Variants in CSMD1 observed in about 807,000 individuals in gnomAD.
The protein encoded by CSMD1 is CUB and Sushi multiple domains 1, also known as CUB and sushi domain-containing protein 1.
A neutral mutation model predicts 417.5 loss-of-function variants in CSMD1; 213 were observed. The ratio of observed to expected loss-of-function variants is 0.51; its 90% confidence interval spans 0.46 to 0.57. The LOEUF (loss-of-function observed/expected upper bound fraction) is 0.57, where lower values mean the gene tolerates loss of function less well. Among genes scored for constraint, CSMD1 ranks in the 20% least tolerant of loss-of-function variants. CSMD1 has a pLI of 0.00. For synonymous variants in CSMD1, 2,862 were observed against 1,736.8 expected, an observed-to-expected ratio of 1.65 and a Z score of -16.11; for missense variants, 6,923 against 4,529.7, an observed-to-expected ratio of 1.53 and a Z score of -15.17.
chr8:4,534,471 G>C (rs1033622377), intron 2 of CSMD1, among the ~76,000 whole-genome samples: 1 of 152,134 alleles, frequency 6.6e-6, no homozygotes, highest in Non-Finnish European at 1.5e-5. Context: ...TGTTTTAAAT[G>C]TTGCCTTTTA....
At chr8:4,202,198 C>T (rs368077048) in intron 3 of CSMD1, among the ~76,000 whole-genome samples, 45 of 151,986 alleles carry the variant, frequency 3.0e-4, no homozygotes, top group East Asian at 2.9e-3. Flanking sequence ...CTTATAATGA[C>T]GCAACAAAAT....
At chr8:3,678,124 G>C (rs959442999) in intron 7 of CSMD1, among the ~76,000 whole-genome samples, 1 of 152,166 alleles carries the variant, frequency 6.6e-6, no homozygotes, top group Admixed American at 6.6e-5. Flanking sequence ...GAAGACAGGT[G>C]ATTTCTGCAT....
intron 52 of CSMD1, among the ~76,000 whole-genome samples, chr8:3,004,440 C>G (rs1162721380): frequency 6.6e-6 from 1 of 152,166 alleles, no homozygotes; most frequent in Non-Finnish European, 1.5e-5. Flanking sequence ...ACCCACTTTA[C>G]TCTTAAATCA....
intron 5 of CSMD1, among the ~76,000 whole-genome samples, chr8:3,774,488 G>C (rs989858914): frequency 6.6e-5 from 10 of 152,158 alleles, no homozygotes; most frequent in African/African-American, 2.4e-4. Context: ...ACAGAGAGAC[G>C]GTTAAATAAA....
chr8:3,988,749 T>C (rs78099090), intron 5 of CSMD1, among the ~76,000 whole-genome samples: 4,256 of 152,310 alleles, frequency 0.028, 127 homozygotes, highest in East Asian at 0.13. Flanking sequence ...GACGGACATA[T>C]ACAAAAACAG....
At chr8:4,013,549 G>C (rs932159148) in intron 4 of CSMD1, among the ~76,000 whole-genome samples, 1 of 152,164 alleles carries the variant, frequency 6.6e-6, no homozygotes, top group East Asian at 1.9e-4. Context: ...TTACATGTCA[G>C]CTTCTCAGTG....
At chr8:3,570,766 G>T (rs989311990) in intron 10 of CSMD1, among the ~76,000 whole-genome samples, 4 of 152,122 alleles carry the variant, frequency 2.6e-5, no homozygotes, top group African/African-American at 9.7e-5. Context: ...ATTTATTTAT[G>T]GTGGAAAGCA....
At chr8:3,082,849 T>C (rs1357625928) in intron 49 of CSMD1, among the ~76,000 whole-genome samples, 1 of 152,162 alleles carries the variant, frequency 6.6e-6, no homozygotes, top group African/African-American at 2.4e-5. Context: ...GCCTCAGAGG[T>C]AAAACCTGTA....
At chr8:3,646,286 T>C (rs1039474346) in intron 7 of CSMD1, among the ~76,000 whole-genome samples, 2 of 152,170 alleles carry the variant, frequency 1.3e-5, no homozygotes, top group South Asian at 2.1e-4. Context: ...TTCTCAGTTG[T>C]AAAAGTATGA....
chr8:3,421,907 G>A (rs892111956), intron 12 of CSMD1, among the ~76,000 whole-genome samples: 1 of 145,676 alleles, frequency 6.9e-6, no homozygotes, highest in Non-Finnish European at 1.5e-5. Flanking sequence ...CAAAGTGCTG[G>A]GATTACAGGC....
At chr8:3,655,886 A>T (rs1798075737) in intron 7 of CSMD1, among the ~76,000 whole-genome samples, 1 of 152,138 alleles carries the variant, frequency 6.6e-6, no homozygotes, top group African/African-American at 2.4e-5. Context: ...AGAATAGAAC[A>T]TGCAAGACCT....
At chr8:3,513,123 T>G (rs201582426) in intron 10 of CSMD1, among the ~76,000 whole-genome samples, 36,822 of 140,082 alleles carry the variant, frequency 0.26, 4,714 homozygotes, top group African/African-American at 0.39. Context: ...GAATTATTAT[T>G]ATTATTTTTT....
chr8:3,272,892 C>T (rs1215319748), intron 26 of CSMD1, among the ~76,000 whole-genome samples: 14 of 149,944 alleles, frequency 9.3e-5, no homozygotes, highest in Admixed American at 2.0e-4. Flanking sequence ...GACAATTTGA[C>T]TTCCTCTTTT....
chr8:3,522,871 TATATTAA>T (rs1797565113), intron 10 of CSMD1, among the ~76,000 whole-genome samples: 1 of 149,866 alleles, frequency 6.7e-6, no homozygotes, highest in Non-Finnish European at 1.5e-5. Context: ...TAATGTAAAT[TATATTAA>T]ATATTACCTT....
chr8:3,532,107 G>A (rs1023392513), intron 10 of CSMD1, among the ~76,000 whole-genome samples: 2 of 152,106 alleles, frequency 1.3e-5, no homozygotes, highest in African/African-American at 4.8e-5. Flanking sequence ...CTTTGAGATG[G>A]CAACATTTTT....
intron 1 of CSMD1, among the ~76,000 whole-genome samples, chr8:4,822,215 G>A (rs567009515): frequency 2.0e-5 from 3 of 152,066 alleles, no homozygotes; most frequent in African/African-American, 7.2e-5. Flanking sequence ...GTGATTCGTG[G>A]GGGTTTGCAA....
At chr8:4,678,373 T>C (rs1429462452) in intron 1 of CSMD1, among the ~76,000 whole-genome samples, 2 of 152,122 alleles carry the variant, frequency 1.3e-5, no homozygotes, top group Non-Finnish European at 2.9e-5. Flanking sequence ...ATCATGTGAC[T>C]GCATTCCAGC....
At chr8:4,545,863 G>A (rs1028616814) in intron 2 of CSMD1, among the ~76,000 whole-genome samples, 2 of 152,134 alleles carry the variant, frequency 1.3e-5, no homozygotes, top group Non-Finnish European at 2.9e-5. Flanking sequence ...ATTTCATCAG[G>A]TGTCCTCTAT....
chr8:3,710,408 A>T (rs886384110), intron 6 of CSMD1, among the ~76,000 whole-genome samples: 1 of 152,154 alleles, frequency 6.6e-6, no homozygotes, highest in Non-Finnish European at 1.5e-5. Flanking sequence ...AAGGCTGGAG[A>T]CGATCAATGC....
Sources: gnomAD v4.1 joint callset for allele counts (sites outside exome capture counted in the v4.1 genomes callset) on GRCh38, gnomAD v4.1.1 for gene constraint, MANE v1.5 for transcripts, NCBI Gene and HGNC (gene_info 2026-07-23, HGNC 2026-07-21) for gene names.